Variants in HEATR1 observed in about 807,000 individuals in gnomAD.
The protein encoded by HEATR1 is HEAT repeat containing 1.
HEATR1 carries 77 observed loss-of-function variants against 248.2 expected under a neutral mutation model. The observed-to-expected ratio is 0.31, with a 90% confidence interval of 0.26 to 0.37. The LOEUF is 0.37. Among genes scored for constraint, HEATR1 ranks in the 10% least tolerant of loss-of-function variants. The pLI is 1.00. For missense variants in HEATR1, 2,420 were observed against 2,504.9 expected (o/e 0.97, Z 0.72); for synonymous variants, 897 against 923.1 (o/e 0.97, Z 0.51).
intron 20 of HEATR1, among the ~76,000 whole-genome samples, chr1:236,578,025 A>G (rs1663610912): frequency 6.6e-6 from 1 of 152,182 alleles, no homozygotes; most frequent in Non-Finnish European, 1.5e-5. Flanking sequence ...TGATAGAGAA[A>G]TGTTAGAGTC....
intron 30 of HEATR1, 72 bp from the exon 31 acceptor site, chr1:236,566,117 C>T (rs565688455): frequency 2.9e-5 from 42 of 1,456,046 alleles, no homozygotes; most frequent in South Asian, 7.6e-5. Context: ...GGATAATGTG[C>T]GTTAGGATTT....
rs1421618596 is a variant in HEATR1, at chr1:236,564,557, T to C, written c.4540A>G (p.Lys1514Glu). The C allele has an allele frequency of 6.2e-7, 1 of 1,614,040 alleles. No individual in the cohort carries two copies. Among genetic ancestry groups the C allele is most frequent in the Non-Finnish European group, 8.5e-7 (1 of 1,180,008 alleles). Residue 1514 changes from lysine (K) to glutamate (E), a missense_variant, in exon 32 of 45, where the codon AAA becomes GAA. By Grantham distance (56) the Lys-to-Glu change is moderately conservative. Transcript: ENST00000366582. ...THTSKQLRHF[K>E]FLSVSFMSQL... ...GACATGAAGGACACTGACAAAAATT[T>C]AAAATGCCGCAGTTGCTTGCTAGTG...
chr1:236,599,543 G>A lies in HEATR1; in HGVS notation c.441C>T (p.Val147=). The A allele has an allele frequency of 6.2e-7, 1 of 1,613,740 alleles. No homozygotes were observed. Among genetic ancestry groups the A allele is most frequent in the Non-Finnish European group, 8.5e-7 (1 of 1,179,782 alleles). ...AATTATTAATTTTTAGAAGCTGTAT[G>A]ACTCGCACAAATATTCTTGTCTCGT... The part of the protein sequence containing the change: ...PYHETRIFVR[V]IQLLKINNSK... Residue 147 remains valine, a synonymous_variant, in exon 4 of 45, where the codon GTC becomes GTT. Transcript: ENST00000366582.
Position 236,601,029 on chromosome 1 carries a change from T to C in HEATR1, c.360-1405A>G, listed in dbSNP as rs1012957677. On this transcript the variant is annotated intron_variant, in intron 3 of 44. Coordinates refer to ENST00000366582, the MANE Select transcript of HEATR1 (RefSeq NM_018072.6). ...TGAATAAATAAGTTATCTGAAGACA[T>C]AAAATGAAAAATCAAATGCAAAAAG... 3.3e-5 allele frequency among the ~76,000 whole-genome samples: 5 copies of C among 152,184 alleles called. No homozygotes were observed. The East Asian group carries it at 5.8e-4, about 18-fold the overall frequency.
chr1:236,603,709 A>T (rs528382874), intron 2 of HEATR1, among the ~76,000 whole-genome samples: 1 of 150,860 alleles, frequency 6.6e-6, no homozygotes, highest in East Asian at 2.0e-4. Flanking sequence ...TCTCTTTGAC[A>T]TATTAGTTGA....
Position 236,572,456 on chromosome 1 carries a change from C to G in HEATR1, c.3662G>C (p.Arg1221Thr). 6.2e-7 allele frequency: 1 copy of G among 1,614,132 alleles called. No individual in the cohort carries two copies. Among genetic ancestry groups the G allele is most frequent in the Admixed American group, 1.7e-5 (1 of 60,020 alleles). Reference sequence around the variant, plus strand: ...AGTTGGCACCAATATCTGAGGACTTCTGAGCTTCTTTTTGTGCTGCAGTAA... The same window carrying G: ...AGTTGGCACCAATATCTGAGGACTTGTGAGCTTCTTTTTGTGCTGCAGTAA... ...LELLQHKKKL[R>T]SPQILVPTLF... Residue 1221 changes from arginine (R) to threonine (T), a missense_variant, in exon 26 of 45, where the codon AGA becomes ACA. Transcript: ENST00000366582.
At chr1:236,561,149 T>G (rs1663119895) in intron 33 of HEATR1, 76 bp downstream of exon 33, 1 of 1,039,938 alleles carries the variant, frequency 9.6e-7, no homozygotes, top group Non-Finnish European at 1.5e-6. Flanking sequence ...ATGAATTTTC[T>G]GTACTGTTTT....
At chr1:236,555,496 A>G (rs779225408) in intron 40 of HEATR1, 32 bp from the exon 41 acceptor site, 11 of 1,614,050 alleles carry the variant, frequency 6.8e-6, no homozygotes, top group Non-Finnish European at 8.5e-6. Flanking sequence ...AGTTTCTTCG[A>G]CATCTTGTCA....
At chr1:236,574,639 G>C in intron 23 of HEATR1, 22 bp downstream of exon 23, 2 of 1,603,720 alleles carry the variant, frequency 1.2e-6, no homozygotes, top group Non-Finnish European at 1.7e-6. Flanking sequence ...CTATGCCTTA[G>C]TTTCTGAAAG....
rs1483059378 is a variant in HEATR1, at chr1:236,549,400, CAGTCAGTGAGGATCATTTTATCACATT to C, written c.*1475_*1501del. 6.2e-6 allele frequency: 1 copy of C among 162,090 alleles called. No homozygotes were observed. Among genetic ancestry groups the C allele is most frequent in the African/African-American group, 2.4e-5 (1 of 41,954 alleles). 10.0% of individuals were successfully genotyped at this position (162,090 alleles called of 1,614,324 possible). On this transcript the variant is annotated 3_prime_UTR_variant, in exon 45 of 45. Transcript: ENST00000366582. ...TTGGGAGTGGGGAGGGAAAAAAGCT[CAGTCAGTGAGGATCATTTTATCACATT>C]AGACTGGGGCAGAACTCTGCCAGGA...
At chr1:236,585,669 ATAT>A in intron 16 of HEATR1, 148 bp downstream of exon 16, 1 of 627,260 alleles carries the variant, frequency 1.6e-6, no homozygotes, top group Non-Finnish European at 2.7e-6. Context: ...TGCACAGAAT[ATAT>A]TAAACAACAC....
intron 4 of HEATR1, 60 bp downstream of exon 4, chr1:236,599,423 A>T: frequency 6.9e-7 from 1 of 1,445,240 alleles, no homozygotes; most frequent in Non-Finnish European, 9.3e-7. Flanking sequence ...TTTTTTCCTA[A>T]TTAAATCCCT....
chr1:236,566,015 A>G lies in HEATR1; in HGVS notation c.4339T>C (p.Trp1447Arg). The part of the protein sequence containing the change: ...DAILEADTEF[W>R]FSVCCEFSVQ... ...CTAAACTCACAACAGACTGAAAACC[A>G]AAATTCAGTGTCTGCTTCTAAAATA... The change falls in exon 31 of 45, where the codon TGG (tryptophan) becomes CGG (arginine). Residue 1447 changes from tryptophan to arginine, a missense_variant. Physicochemically the swap from Trp to Arg is moderately radical, Grantham distance 101. Coordinates refer to ENST00000366582, the MANE Select transcript of HEATR1 (RefSeq NM_018072.6). 6.2e-7 allele frequency: 1 copy of G among 1,613,784 alleles called. No individual in the cohort carries two copies. Among genetic ancestry groups the G allele is most frequent in the African/African-American group, 1.3e-5 (1 of 75,046 alleles).
Position 236,557,357 on chromosome 1 carries a change from G to T in HEATR1, c.5205-12C>A. On this transcript the variant is annotated splice_polypyrimidine_tract_variant and intron_variant, in intron 36 of 44. Coordinates refer to ENST00000366582, the MANE Select transcript of HEATR1 (RefSeq NM_018072.6). ...ACGATGGCATCAGGCTAGAAACAAA[G>T]TAAGAGCTTTAGAAGAACTTGAAGC... 1 of 1,612,980 alleles carries T rather than the reference G, an allele frequency of 6.2e-7. No homozygotes were observed. The highest frequency in any genetic ancestry group is 2.2e-5 in the East Asian group (1 of 44,854).
At chr1:236,587,695 AAT>A (rs1476275458) in intron 13 of HEATR1, among the ~76,000 whole-genome samples, 3 of 152,172 alleles carry the variant, frequency 2.0e-5, no homozygotes, top group African/African-American at 7.2e-5. Context: ...TATTGATAAA[AAT>A]ATGTTAAAAG....
chr1:236,593,905 A>G (rs1447399824), intron 9 of HEATR1, 107 bp downstream of exon 9: 12 of 715,086 alleles, frequency 1.7e-5, no homozygotes, highest in Non-Finnish European at 2.6e-5. Context: ...TACAGACAAA[A>G]CAAGATATAC....
In HEATR1 at chr1:236,585,235, T is replaced by A; in HGVS notation, c.2050-19A>T. 1.9e-6 allele frequency: 3 copies of A among 1,580,020 alleles called. No individual in the cohort carries two copies. Among genetic ancestry groups the A allele is most frequent in the Middle Eastern group, 1.7e-4 (1 of 5,880 alleles). On this transcript the variant is annotated intron_variant, in intron 16 of 44. Coordinates refer to ENST00000366582, the MANE Select transcript of HEATR1 (RefSeq NM_018072.6). ...CCTCCACCTTGAAAAATAAACACAC[T>A]CTATTACCAGTTGCTCTTGATTTTC... is the stretch of plus-strand genomic sequence containing the variant.
chr1:236,558,956 A>G lies in HEATR1; in HGVS notation c.4911+39T>C, dbSNP rs374823950. ...GTTAAATGCAGCTCTTTGATAAAGC[A>G]AAGTACAGTAAATGGGTGTGTCCTG... is the stretch of plus-strand genomic sequence containing the variant. On this transcript the variant is annotated intron_variant, in intron 35 of 44. Transcript: ENST00000366582. The G allele has an allele frequency of 3.1e-4, 476 of 1,528,978 alleles. 1 individual carries two copies. The highest frequency in any genetic ancestry group is 3.7e-4 in the Non-Finnish European group (424 of 1,140,028). The allele number at this position is 1,528,978 out of a possible 1,614,324, so 94.7% of individuals were successfully genotyped here.
Position 236,558,244 on chromosome 1 carries a change from G to A in HEATR1, c.5197C>T (p.Leu1733Phe). ...STLEALAIPQ[L>F]PSLMPSLLTT... ...AAGTCTCCGGCCGCATACCTGGGAA[G>A]CTGGGGGATGGCCAGCGCCTCCAGG... The change falls in exon 36 of 45, where the codon CTT becomes TTT. Residue 1733 changes from leucine to phenylalanine, a missense_variant. By Grantham distance (22) the Leu-to-Phe change is conservative. Coordinates refer to ENST00000366582, the MANE Select transcript of HEATR1 (RefSeq NM_018072.6). The A allele has an allele frequency of 1.2e-6, 2 of 1,611,310 alleles. No individual in the cohort carries two copies. Among genetic ancestry groups the A allele is most frequent in the African/African-American group, 2.7e-5 (2 of 74,960 alleles).
Sources: allele counts gnomAD v4.1 joint callset (sites outside exome capture counted in the v4.1 genomes callset), GRCh38; gene constraint gnomAD v4.1.1; transcripts MANE v1.5; gene names NCBI Gene and HGNC (gene_info 2026-07-23, HGNC 2026-07-21).